Variants in REV3L observed in about 807,000 individuals in gnomAD.
REV3L encodes the protein REV3 like, DNA directed polymerase zeta catalytic subunit.
REV3L carries 69 observed loss-of-function variants against 299.4 expected under a neutral mutation model. The ratio of observed to expected loss-of-function variants is 0.23; its 90% CI spans 0.19 to 0.28. The LOEUF (loss-of-function observed/expected upper bound fraction) is 0.28, where lower values mean the gene tolerates loss of function less well. REV3L is among the 10% of genes least tolerant of loss of function. The probability of loss-of-function intolerance (pLI) is 1.00; values close to 1 mark genes in which losing one functional copy is unlikely to be tolerated. For synonymous variants in REV3L, 1,238 were observed against 1,271.4 expected (o/e 0.97, Z 0.56); for missense variants, 3,128 against 3,693.8 (o/e 0.85, Z 3.97).
intron 1 of REV3L, among the ~76,000 whole-genome samples, chr6:111,468,479 T>C (rs1240478188): frequency 6.6e-6 from 1 of 152,016 alleles, no homozygotes; most frequent in Non-Finnish European, 1.5e-5. Context: ...AGATAAACAG[T>C]ACGCTGAGAA....
At chr6:111,482,709 C>T (rs778563058) in intron 1 of REV3L, 41 bp downstream of exon 1, 139 of 1,201,548 alleles carry the variant, frequency 1.2e-4, no homozygotes, top group Non-Finnish European at 1.4e-4. Flanking sequence ...CCCGGCGCCC[C>T]GCCGACTCCC....
chr6:111,469,794 C>T (rs1791962417), intron 1 of REV3L, among the ~76,000 whole-genome samples: 1 of 152,218 alleles, frequency 6.6e-6, no homozygotes, highest in Admixed American at 6.5e-5. Flanking sequence ...CAAGGCCAGA[C>T]ATAAGCTGCA....
chr6:111,411,885 G>A lies in REV3L; in HGVS notation c.330-331C>T, dbSNP rs907364082. The A allele has an allele frequency of 2.4e-5, 16 of 655,498 alleles. No individual in the cohort carries two copies. In the South Asian group the frequency reaches 8.9e-4, roughly 36 times the overall value. The allele number at this position is 655,498 out of a possible 1,614,324, so 40.6% of individuals were successfully genotyped here. A position where few individuals can be genotyped will look rare whatever the true frequency, so the allele number is the denominator to read the frequency against. On this transcript the variant is annotated intron_variant, in intron 2 of 31. Coordinates refer to ENST00000368802, the MANE Select transcript of REV3L (RefSeq NM_001372078.1). ...AATCTCAAACATCAAGACTCTTTAA[G>A]TGGCTTTTTGTTTTCTTTACTCCAC...
chr6:111,409,704 T>C (rs1562267994), intron 3 of REV3L, among the ~76,000 whole-genome samples: 1 of 152,188 alleles, frequency 6.6e-6, no homozygotes, highest in Non-Finnish European at 1.5e-5. Flanking sequence ...AAAGTAGACA[T>C]ACAGCACGCA....
At chr6:111,310,139 T>G in intron 29 of REV3L, 40 bp from the exon 30 acceptor site, 1 of 1,466,136 alleles carries the variant, frequency 6.8e-7, no homozygotes, top group Non-Finnish European at 9.0e-7. Context: ...CCAAATACTG[T>G]TATGGAAGCC....
chr6:111,438,179 T>C lies in REV3L; in HGVS notation c.140-21707A>G, dbSNP rs562698401. Among the ~76,000 whole-genome samples the C allele has an allele frequency of 1.6e-3, 249 of 152,176 alleles. 1 individual carries two copies. The highest frequency in any genetic ancestry group is 5.8e-3 in the African/African-American group (242 of 41,540). On this transcript the variant is annotated intron_variant, in intron 1 of 31. Transcript: ENST00000368802. Reference sequence around the variant, plus strand: ...GGCATCAGCCACCTCACCTGGCCTATTATACAATCTTTTAAACTTATCTAT... The same window carrying C: ...GGCATCAGCCACCTCACCTGGCCTACTATACAATCTTTTAAACTTATCTAT...
At chr6:111,430,634 C>A in intron 1 of REV3L, 1 of 1,524,354 alleles carries the variant, frequency 6.6e-7, no homozygotes, top group Non-Finnish European at 9.1e-7. Flanking sequence ...AGGACAGAGG[C>A]TGCTGGCCGA....
intron 16 of REV3L, among the ~76,000 whole-genome samples, 165 bp downstream of exon 16, chr6:111,363,688 T>G (rs1296813761): frequency 1.3e-5 from 2 of 152,114 alleles, no homozygotes; most frequent in Non-Finnish European, 2.9e-5. Context: ...GTATTGTACA[T>G]AAACATGTAA....
intron 1 of REV3L, among the ~76,000 whole-genome samples, chr6:111,475,453 T>G (rs981578170): frequency 3.3e-5 from 5 of 152,236 alleles, no homozygotes; most frequent in African/African-American, 1.2e-4. Context: ...CTATAGAGTA[T>G]GAATACTTTA....
intron 1 of REV3L, among the ~76,000 whole-genome samples, chr6:111,449,899 T>A (rs927416981): frequency 6.6e-6 from 1 of 152,130 alleles, no homozygotes; most frequent in South Asian, 2.1e-4. Flanking sequence ...CAGGAAATGA[T>A]ACAGATGATG....
chr6:111,466,461 C>T (rs540193658), intron 1 of REV3L, among the ~76,000 whole-genome samples: 1 of 152,062 alleles, frequency 6.6e-6, no homozygotes, highest in East Asian at 1.9e-4. Flanking sequence ...TATAAATGTC[C>T]TATCAGTTTA....
intron 20 of REV3L, 62 bp from the exon 21 acceptor site, chr6:111,344,105 T>C: frequency 9.3e-7 from 1 of 1,079,392 alleles, no homozygotes; most frequent in Middle Eastern, 2.0e-4. Context: ...AATTTGGTTC[T>C]AAAAGATACC....
At chr6:111,448,672 G>A (rs1218028019) in intron 1 of REV3L, among the ~76,000 whole-genome samples, 1 of 151,322 alleles carries the variant, frequency 6.6e-6, no homozygotes, top group Admixed American at 6.6e-5. Flanking sequence ...CCAGGCTGGA[G>A]TGCCATGGCA....
intron 13 of REV3L, among the ~76,000 whole-genome samples, chr6:111,371,848 G>C (rs1779831713): frequency 1.3e-5 from 2 of 152,036 alleles, no homozygotes; most frequent in South Asian, 4.2e-4. Context: ...ACAGGCGTGA[G>C]CCACTGTGCC....
chr6:111,388,116 T>C, intron 7 of REV3L, 31 bp from the exon 8 acceptor site: 1 of 1,413,342 alleles, frequency 7.1e-7, no homozygotes, highest in Non-Finnish European at 9.9e-7. Context: ...TTAAAAAATG[T>C]AAATAGCAAA....
chr6:111,422,415 C>A (rs1785464117), intron 1 of REV3L, among the ~76,000 whole-genome samples: 1 of 151,334 alleles, frequency 6.6e-6, no homozygotes, highest in South Asian at 2.1e-4. Flanking sequence ...AGTTTGCTAA[C>A]CTCAGCAACA....
intron 31 of REV3L, among the ~76,000 whole-genome samples, chr6:111,305,450 G>T (rs756361141): frequency 2.4e-4 from 36 of 152,136 alleles, no homozygotes; most frequent in Non-Finnish European, 4.6e-4. Flanking sequence ...AGTAAAACAT[G>T]GTGGGATATG....
At chr6:111,300,190 G>C in intron 31 of REV3L, 34 bp from the exon 32 acceptor site, 1 of 1,536,936 alleles carries the variant, frequency 6.5e-7, no homozygotes, top group Non-Finnish European at 8.7e-7. Flanking sequence ...AAAATAATAG[G>C]AAAGTTTTTA....
rs1240879318 is a variant in REV3L at position 111,307,403 on chromosome 6, T to C, written c.9210A>G (p.Gln3070=). The C allele has an allele frequency of 3.1e-6, 5 of 1,614,060 alleles. No individual in the cohort carries two copies. The highest frequency in any genetic ancestry group is 4.2e-6 in the Non-Finnish European group (5 of 1,180,024). The stretch of plus-strand genomic sequence containing the variant: ...GTTGACGTTCCAACTCCCGGATTTC[T>C]TGGTTGAGGATGACTGCAACATGCT... ...QPQHVAVILN[Q]EIRELERQQE... The change falls in exon 31 of 32, where the codon CAA becomes CAG. Residue 3070 remains glutamine, a synonymous_variant. Coordinates refer to ENST00000368802, the MANE Select transcript of REV3L (RefSeq NM_001372078.1).
Sources: gnomAD v4.1 joint callset for allele counts (sites outside exome capture counted in the v4.1 genomes callset) on GRCh38, gnomAD v4.1.1 for gene constraint, MANE v1.5 for transcripts, NCBI Gene and HGNC (gene_info 2026-07-23, HGNC 2026-07-21) for gene names.